MROH2B: variants seen among roughly 807,000 people sequenced by gnomAD.
MROH2B encodes maestro heat like repeat family member 2B.
MROH2B carries 177 observed loss-of-function variants against 208.6 expected under a neutral mutation model. That is an observed-to-expected ratio of 0.85 (90% CI 0.75 to 0.96). The LOEUF (loss-of-function observed/expected upper bound fraction) is 0.96, where lower values mean the gene tolerates loss of function less well. MROH2B is among the 40% of genes least tolerant of loss of function. The pLI, the probability that MROH2B is intolerant of heterozygous loss-of-function variation, is 0.00. For missense variants in MROH2B, 2,002 were observed against 1,878.7 expected, an observed-to-expected ratio of 1.07 and a Z score of -1.21; for synonymous variants, 728 against 659.0, an observed-to-expected ratio of 1.10 and a Z score of -1.60.
At chr5:41,027,703 A>T (rs1350347908) in intron 24 of MROH2B, among the ~76,000 whole-genome samples, 7 of 152,230 alleles carry the variant, frequency 4.6e-5, no homozygotes. Flanking sequence ...TACCCAAAGA[A>T]TTATAAATCA....
Position 41,045,754 on chromosome 5 carries a change from T to C in MROH2B, c.1828A>G (p.Thr610Ala), listed in dbSNP as rs1217160400. Residue 610 changes from threonine (T) to alanine (A), a missense_variant, in exon 18 of 42, where the codon ACT (threonine) becomes GCT (alanine). By Grantham distance (58) the Thr-to-Ala change is moderately conservative. Transcript: ENST00000399564. ...QQMGSYSNNSTEKKFLWKALG... is the reference protein window; with the variant it reads ...QQMGSYSNNSAEKKFLWKALG... ...TCAGCTGAAAAACCAACCTTCTCAG[T>C]GGAGTTATTGCTGTAACTGCCCATT... 1.2e-6 allele frequency: 2 copies of C among 1,613,152 alleles called. No homozygotes were observed. Among genetic ancestry groups the C allele is most frequent in the African/African-American group, 2.7e-5 (2 of 74,904 alleles).
chr5:41,055,371 C>T lies in MROH2B; in HGVS notation c.1033+371G>A, dbSNP rs1225372122. Among the ~76,000 whole-genome samples, 4 of 152,264 alleles carry T rather than the reference C, an allele frequency of 2.6e-5. No homozygotes were observed. In the East Asian group the frequency reaches 7.7e-4, roughly 29 times the overall value. On this transcript the variant is annotated intron_variant, in intron 10 of 41. Coordinates refer to ENST00000399564, the MANE Select transcript of MROH2B (RefSeq NM_173489.5). ...ATGTACTTTCTGGAATAAAATATGGCAATTCGTTAAATTCTGCTTTTTTGT... is the reference window on the plus strand; with the variant it reads ...ATGTACTTTCTGGAATAAAATATGGTAATTCGTTAAATTCTGCTTTTTTGT...
intron 38 of MROH2B, 59 bp downstream of exon 38, chr5:41,000,619 T>C: frequency 6.5e-7 from 1 of 1,543,560 alleles, no homozygotes; most frequent in Admixed American, 2.0e-5. Context: ...ACCAGGCTTA[T>C]TGGTACTTCT....
intron 22 of MROH2B, 24 bp from the exon 23 acceptor site, chr5:41,033,184 C>T: frequency 6.2e-7 from 1 of 1,610,886 alleles, no homozygotes; most frequent in Non-Finnish European, 8.5e-7. Flanking sequence ...ATTTACAATG[C>T]AAGTCAAGGT....
chr5:41,025,279 G>A (rs1236781875), intron 24 of MROH2B, among the ~76,000 whole-genome samples: 1 of 151,810 alleles, frequency 6.6e-6, no homozygotes, highest in African/African-American at 2.4e-5. Flanking sequence ...AAAATTGACA[G>A]ACCACTAGCA....
At chr5:41,064,270 T>C (rs1384390908) in intron 5 of MROH2B, among the ~76,000 whole-genome samples, 1 of 152,202 alleles carries the variant, frequency 6.6e-6, no homozygotes, top group Non-Finnish European at 1.5e-5. Flanking sequence ...CAAATAGTAC[T>C]TATCTTGCAG....
intron 10 of MROH2B, 114 bp from the exon 11 acceptor site, chr5:41,054,954 T>G (rs1339153372): frequency 1.5e-6 from 1 of 648,668 alleles, no homozygotes; most frequent in African/African-American, 1.9e-5. Context: ...CTCTTGTTTT[T>G]AACAACCTAT....
intron 24 of MROH2B, among the ~76,000 whole-genome samples, chr5:41,026,932 T>C (rs1401888651): frequency 3.3e-5 from 5 of 152,154 alleles, no homozygotes; most frequent in Non-Finnish European, 7.4e-5. Context: ...AAACATGAAA[T>C]GGGGAAAGGA....
chr5:41,006,849 G>A (rs10805656), intron 34 of MROH2B, among the ~76,000 whole-genome samples: 53,256 of 152,004 alleles, frequency 0.35, 9,494 homozygotes, highest in South Asian at 0.44. Context: ...GGGCAGGAAT[G>A]AGGTGAGGGA....
Position 41,058,131 on chromosome 5 carries a change from C to T in MROH2B, c.688G>A (p.Ala230Thr), listed in dbSNP as rs1461880389. 1.2e-6 allele frequency: 2 copies of T among 1,606,182 alleles called. No homozygotes were observed. Among genetic ancestry groups the T allele is most frequent in the South Asian group, 1.1e-5 (1 of 89,412 alleles). The change falls in exon 7 of 42, where the codon GCC becomes ACC. Residue 230 changes from alanine to threonine, a missense_variant. Physicochemically the swap from Ala to Thr is moderately conservative, Grantham distance 58. Transcript: ENST00000399564. ...LLHREDFRGYALGQVPWLLNQ... is the reference protein window; with the variant it reads ...LLHREDFRGYTLGQVPWLLNQ... ...AGGAGCCAGGGCACCTGGCCCAGGG[C>T]GTATCCACGGAAGTCTTCCCGATGC...
intron 28 of MROH2B, 98 bp from the exon 29 acceptor site, chr5:41,015,576 T>C (rs1741920204): frequency 9.8e-7 from 1 of 1,019,504 alleles, no homozygotes; most frequent in South Asian, 1.5e-5. Context: ...TTAGCTGCTG[T>C]CTGATGAGAT....
chr5:41,019,417 T>C (rs1285359380), intron 24 of MROH2B, among the ~76,000 whole-genome samples: 2 of 152,160 alleles, frequency 1.3e-5, no homozygotes. Context: ...ATTGTAAGTC[T>C]GCAGCAGTGA....
chr5:41,005,627 T>A lies in MROH2B; in HGVS notation c.3768A>T (p.Gln1256His). ...CSLARSMAVW[Q>H]HGVILDIMEQ... ...CCATGATGTCCAGTATGACTCCGTG[T>A]TGCCACACTGCCATGCTCCTAGAAA... Residue 1256 changes from glutamine (Q) to histidine (H), a missense_variant, in exon 35 of 42, where the codon CAA becomes CAT. Transcript: ENST00000399564. The A allele has an allele frequency of 6.2e-7, 1 of 1,611,574 alleles. No homozygotes were observed. The highest frequency in any genetic ancestry group is 8.5e-7 in the Non-Finnish European group (1 of 1,178,868).
rs1191749003 is a variant in MROH2B, at chr5:40,999,773, T to C, written c.4489A>G (p.Lys1497Glu). 1.9e-6 allele frequency: 3 copies of C among 1,613,312 alleles called. No individual in the cohort carries two copies. Among genetic ancestry groups the C allele is most frequent in the South Asian group, 2.2e-5 (2 of 90,962 alleles). ...AGGATCCACAGAATTTCCTGGTTTT[T>C]CTTGGCCTAGAAGAGATGTGAATTT... ...YRQFCVKLAKKNQEILWILHT... is the reference protein window; with the variant it reads ...YRQFCVKLAKENQEILWILHT... Residue 1497 changes from lysine (K) to glutamate (E), a missense_variant, in exon 40 of 42, where the codon AAA (lysine) becomes GAA (glutamate). Physicochemically the swap from Lys to Glu is moderately conservative, Grantham distance 56 (BLOSUM62 1). Coordinates refer to ENST00000399564, the MANE Select transcript of MROH2B (RefSeq NM_173489.5).
chr5:41,011,001 TG>T (rs1178676372), intron 30 of MROH2B, among the ~76,000 whole-genome samples: 1 of 152,148 alleles, frequency 6.6e-6, no homozygotes, highest in Non-Finnish European at 1.5e-5. Flanking sequence ...TGTAGGAGAA[TG>T]GTCCAGGTTG....
At position 41,037,117 on chromosome 5, in the gene MROH2B, C is replaced by A. The variant is rs1440508651; in HGVS notation, c.2214+1619G>T. Among the ~76,000 whole-genome samples, 11 of 152,084 alleles carry A rather than the reference C, an allele frequency of 7.2e-5. 1 individual carries two copies. The highest frequency in any genetic ancestry group is 2.0e-4 in the Admixed American group (3 of 15,258). ...CTGGGACTAATGGTATGTACCACCCCACCTGGGCAATTGTTTTATTTATTT... is the reference window on the plus strand; with the variant it reads ...CTGGGACTAATGGTATGTACCACCCAACCTGGGCAATTGTTTTATTTATTT... On this transcript the variant is annotated intron_variant, in intron 21 of 41. Coordinates refer to ENST00000399564, the MANE Select transcript of MROH2B (RefSeq NM_173489.5).
rs144252622 is a variant in MROH2B at position 41,052,490 on chromosome 5, T to C, written c.1205A>G (p.Gln402Arg). ...CAGATTCCTGTTCAACGTTGCAAACTGGGAGAAGACATAATCAATCAATGG... is the reference window on the plus strand; with the variant it reads ...CAGATTCCTGTTCAACGTTGCAAACCGGGAGAAGACATAATCAATCAATGG... ...GWPLIDYVFS[Q>R]FATLNRNLEK... Residue 402 changes from glutamine to arginine, a missense_variant, in exon 12 of 42, where the codon CAG (glutamine) becomes CGG (arginine). Gln to Arg is a conservative substitution (Grantham distance 43, BLOSUM62 1). Coordinates refer to ENST00000399564, the MANE Select transcript of MROH2B (RefSeq NM_173489.5). 316 of 1,612,930 alleles carry C rather than the reference T, an allele frequency of 2.0e-4. No individual in the cohort carries two copies. In the African/African-American group the frequency reaches 3.7e-3, roughly 19 times the overall value.
Position 41,000,834 on chromosome 5 carries a change from C to T in MROH2B, c.4195-1G>A. On this transcript the variant is annotated splice_acceptor_variant, in intron 37 of 41. Coordinates refer to ENST00000399564, the MANE Select transcript of MROH2B (RefSeq NM_173489.5). LOFTEE classifies it high-confidence loss of function. The stretch of plus-strand genomic sequence containing the variant: ...CAGTCAATCTCACATCATCCTGCTC[C>T]TGTGGTGACGAATGCATGTCGTGGT... The T allele has an allele frequency of 6.2e-7, 1 of 1,608,694 alleles. No individual in the cohort carries two copies. Among genetic ancestry groups the T allele is most frequent in the East Asian group, 2.2e-5 (1 of 44,780 alleles).
Position 41,004,528 on chromosome 5 carries a change from C to G in MROH2B, c.4012G>C (p.Val1338Leu). The change falls in exon 37 of 42, where the codon GTG becomes CTG. Residue 1338 changes from valine to leucine, a missense_variant and splice_region_variant. Coordinates refer to ENST00000399564, the MANE Select transcript of MROH2B (RefSeq NM_173489.5). ...GNTASGAPHK[V>L]KKHKQLMLES... The stretch of plus-strand genomic sequence containing the variant: ...AGCATTAACTGCTTATGTTTCTTCA[C>G]CTATTTTGAAATAAGACCTCTTAAT... 2 of 1,604,096 alleles carry G rather than the reference C, an allele frequency of 1.2e-6. No homozygotes were observed. The highest frequency in any genetic ancestry group is 4.5e-5 in the East Asian group (2 of 44,812).
Sources: allele counts gnomAD v4.1 joint callset (sites outside exome capture counted in the v4.1 genomes callset), GRCh38; gene constraint gnomAD v4.1.1; transcripts MANE v1.5; gene names NCBI Gene and HGNC (gene_info 2026-07-23, HGNC 2026-07-21).